RORA: variants seen among roughly 807,000 people sequenced by gnomAD.
RORA encodes the protein RAR related orphan receptor A.
In RORA, 7 loss-of-function variants were observed where a neutral mutation model predicts 69.5. The ratio of observed to expected loss-of-function variants is 0.10; its 90% confidence interval spans 0.06 to 0.19. The LOEUF is 0.19. Among genes scored for constraint, RORA ranks in the 10% least tolerant of loss-of-function variants. RORA has a pLI of 1.00. For missense variants in RORA, 457 were observed against 663.0 expected (o/e 0.69, Z 3.41); for synonymous variants, 261 against 240.8 (o/e 1.08, Z -0.78).
At chr15:60,804,122 CT>C (rs1375298467) in intron 1 of RORA, among the ~76,000 whole-genome samples, 6 of 151,902 alleles carry the variant, frequency 3.9e-5, no homozygotes, top group Non-Finnish European at 8.8e-5. Flanking sequence ...AACCTTGTCT[CT>C]ACTAAAAATA....
chr15:60,551,576 C>T (rs932139994), intron 2 of RORA, among the ~76,000 whole-genome samples: 12 of 152,172 alleles, frequency 7.9e-5, no homozygotes, highest in East Asian at 3.9e-4. Flanking sequence ...TTTTTCCTAC[C>T]GCCCCACAAT....
rs1244151999 is a variant in RORA, at chr15:61,169,052, G to A, written c.166+60001C>T. Among the ~76,000 whole-genome samples, 3 of 151,998 alleles carry A rather than the reference G, an allele frequency of 2.0e-5. No individual in the cohort carries two copies. In the East Asian group the frequency reaches 5.8e-4, roughly 29 times the overall value. Reference sequence around the variant, plus strand: ...CATCCTGCTGGATCTCACCTTAAAGGAGCTTGGGAACTTGCTGTATTCCCC... The same window carrying A: ...CATCCTGCTGGATCTCACCTTAAAGAAGCTTGGGAACTTGCTGTATTCCCC... On this transcript the variant is annotated intron_variant, in intron 1 of 10. Coordinates refer to ENST00000335670, the MANE Select transcript of RORA (RefSeq NM_134261.3).
intron 1 of RORA, among the ~76,000 whole-genome samples, chr15:61,212,671 C>T (rs912461132): frequency 1.3e-5 from 2 of 152,138 alleles, no homozygotes; most frequent in Non-Finnish European, 2.9e-5. Flanking sequence ...GGATTACAGG[C>T]GTGAGCCACC....
At chr15:60,932,490 C>T (rs189529286) in intron 1 of RORA, among the ~76,000 whole-genome samples, 6 of 152,286 alleles carry the variant, frequency 3.9e-5, no homozygotes, top group Non-Finnish European at 8.8e-5. Context: ...CATTTGTTTA[C>T]GTGTTACTAC....
intron 3 of RORA, among the ~76,000 whole-genome samples, chr15:60,525,131 G>A (rs920140728): frequency 6.6e-6 from 1 of 152,200 alleles, no homozygotes; most frequent in Non-Finnish European, 1.5e-5. Context: ...TCTGTAGTCC[G>A]AGTTCCCTAC....
At chr15:61,104,989 T>C (rs2078931136) in intron 1 of RORA, among the ~76,000 whole-genome samples, 3 of 148,274 alleles carry the variant, frequency 2.0e-5, no homozygotes, top group Admixed American at 6.7e-5. Context: ...GCCATGATCA[T>C]GAGGCGCCCC....
chr15:60,784,727 G>A (rs1272811074), intron 1 of RORA, among the ~76,000 whole-genome samples: 3 of 152,204 alleles, frequency 2.0e-5, no homozygotes, highest in African/African-American at 7.2e-5. Context: ...ACAGCTGTAT[G>A]ACTTGAGCAG....
chr15:60,829,970 T>G (rs1303897465), intron 1 of RORA, among the ~76,000 whole-genome samples: 1 of 152,136 alleles, frequency 6.6e-6, no homozygotes, highest in African/African-American at 2.4e-5. Flanking sequence ...GCACAACAAA[T>G]AGCTCTGAGT....
chr15:60,852,840 T>C lies in RORA; in HGVS notation c.167-174154A>G, dbSNP rs182686582. Among the ~76,000 whole-genome samples, 227 of 150,702 alleles carry C rather than the reference T, an allele frequency of 1.5e-3. No homozygotes were observed. In the Middle Eastern group the frequency reaches 0.024, roughly 16 times the overall value. On this transcript the variant is annotated intron_variant, in intron 1 of 10. Transcript: ENST00000335670. Reference sequence around the variant, plus strand: ...ATGACAAGATTTCTGGTGCAATAAATAATGTCATTTGAAAAAAAAAAATTC... The same window carrying C: ...ATGACAAGATTTCTGGTGCAATAAACAATGTCATTTGAAAAAAAAAAATTC...
intron 1 of RORA, among the ~76,000 whole-genome samples, chr15:60,863,188 GA>G (rs1250339293): frequency 3.9e-5 from 6 of 152,238 alleles, no homozygotes; most frequent in African/African-American, 1.4e-4. Flanking sequence ...AAGATGAAGT[GA>G]ACTACTGGAC....
chr15:61,023,173 G>A (rs371215155), intron 1 of RORA, among the ~76,000 whole-genome samples: 1 of 118,332 alleles, frequency 8.5e-6, no homozygotes, highest in South Asian at 3.2e-4. Context: ...GGGCAACAGA[G>A]TGAGACTCTG....
chr15:60,516,163 AT>A (rs1567052157), intron 3 of RORA, among the ~76,000 whole-genome samples: 12 of 30,882 alleles, frequency 3.9e-4, no homozygotes, highest in South Asian at 1.8e-3. Context: ...ATATATATTT[AT>A]ATATATATTT....
At chr15:60,976,727 A>G (rs1222211140) in intron 1 of RORA, among the ~76,000 whole-genome samples, 2 of 151,964 alleles carry the variant, frequency 1.3e-5, no homozygotes, top group Admixed American at 6.6e-5. Context: ...AGAAATCCCT[A>G]TCTCCCCCAC....
At chr15:61,009,939 C>G (rs575181123) in intron 1 of RORA, among the ~76,000 whole-genome samples, 2 of 152,300 alleles carry the variant, frequency 1.3e-5, no homozygotes, top group East Asian at 3.9e-4. Context: ...AAATTGGAGT[C>G]TTCAAATTCT....
At chr15:60,952,168 A>C (rs1326802262) in intron 1 of RORA, among the ~76,000 whole-genome samples, 1 of 151,364 alleles carries the variant, frequency 6.6e-6, no homozygotes, top group Non-Finnish European at 1.5e-5. Context: ...TCCAGCATAT[A>C]AACAGAGCCA....
At chr15:60,756,462 T>C (rs888958426) in intron 1 of RORA, among the ~76,000 whole-genome samples, 1 of 152,250 alleles carries the variant, frequency 6.6e-6, no homozygotes, top group Non-Finnish European at 1.5e-5. Context: ...TGATGATAAC[T>C]TTATAAATAT....
At chr15:61,135,150 A>T (rs1202113162) in intron 1 of RORA, among the ~76,000 whole-genome samples, 14 of 149,802 alleles carry the variant, frequency 9.3e-5, no homozygotes, top group African/African-American at 3.4e-4. Flanking sequence ...TCTTACTAAA[A>T]AAAAAAAAAA....
intron 1 of RORA, among the ~76,000 whole-genome samples, chr15:61,015,547 A>G (rs562902695): frequency 6.6e-6 from 1 of 152,294 alleles, no homozygotes; most frequent in African/African-American, 2.4e-5. Flanking sequence ...CAATAATTAT[A>G]CTAGTTCATA....
At chr15:60,786,943 C>T (rs890592378) in intron 1 of RORA, among the ~76,000 whole-genome samples, 1 of 152,212 alleles carries the variant, frequency 6.6e-6, no homozygotes, top group Admixed American at 6.5e-5. Flanking sequence ...AGAACCATGG[C>T]TTTTCTCAGG....
Sources: gnomAD v4.1 joint callset for allele counts (sites outside exome capture counted in the v4.1 genomes callset) on GRCh38, gnomAD v4.1.1 for gene constraint, MANE v1.5 for transcripts, NCBI Gene and HGNC (gene_info 2026-07-23, HGNC 2026-07-21) for gene names.